The following UBXN7 variants were observed in gnomAD, a reference collection of about 807,000 sequenced individuals.
UBXN7 encodes UBX domain-containing protein 7.
A neutral mutation model predicts 58.0 loss-of-function variants in UBXN7; 9 were observed. That is an observed-to-expected ratio of 0.16 (90% confidence interval 0.09 to 0.27). UBXN7 has a LOEUF of 0.27. Among genes scored for constraint, UBXN7 ranks in the 10% least tolerant of loss-of-function variants. The pLI is 1.00. For missense variants in UBXN7, 328 were observed against 599.6 expected, an observed-to-expected ratio of 0.55 and a Z score of 4.73; for synonymous variants, 208 against 205.0, an observed-to-expected ratio of 1.01 and a Z score of -0.12.
chr3:196,396,715 A>G (rs565536392), intron 3 of UBXN7, among the ~76,000 whole-genome samples: 52 of 152,276 alleles, frequency 3.4e-4, no homozygotes, highest in African/African-American at 1.2e-3. Context: ...GTGAGCTGAG[A>G]TCGCACCACT....
At chr3:196,391,577 T>A (rs567637505) in intron 5 of UBXN7, among the ~76,000 whole-genome samples, 81 of 151,806 alleles carry the variant, frequency 5.3e-4, no homozygotes, top group African/African-American at 1.7e-3. Context: ...CCAAAAAAAT[T>A]TTTTTAATTA....
At chr3:196,421,706 G>A (rs185450494) in intron 1 of UBXN7, among the ~76,000 whole-genome samples, 39 of 151,888 alleles carry the variant, frequency 2.6e-4, no homozygotes, top group African/African-American at 8.2e-4. Context: ...GAAACTGGGA[G>A]GTGGAGGTTG....
At chr3:196,378,758 C>T (rs1277338687) in intron 5 of UBXN7, among the ~76,000 whole-genome samples, 1 of 151,824 alleles carries the variant, frequency 6.6e-6, no homozygotes, top group Non-Finnish European at 1.5e-5. Context: ...GGGATTTTAG[C>T]CAGCTTCTTT....
At chr3:196,417,205 G>T (rs898458377) in intron 1 of UBXN7, among the ~76,000 whole-genome samples, 1 of 152,032 alleles carries the variant, frequency 6.6e-6, no homozygotes, top group Non-Finnish European at 1.5e-5. Flanking sequence ...CCCAGCTGCT[G>T]GGGAGGCTGA....
intron 1 of UBXN7, among the ~76,000 whole-genome samples, chr3:196,412,559 T>G (rs1192959459): frequency 6.6e-6 from 1 of 152,202 alleles, no homozygotes; most frequent in African/African-American, 2.4e-5. Context: ...TATGATCCAG[T>G]AATTTCACTT....
At chr3:196,393,647 A>T in intron 3 of UBXN7, 28 bp from the exon 4 acceptor site, 3 of 1,585,124 alleles carry the variant, frequency 1.9e-6, no homozygotes, top group Non-Finnish European at 2.6e-6. Flanking sequence ...AGAATTGAAA[A>T]TTTTTTAAAT....
At chr3:196,407,611 C>T (rs940043655) in intron 1 of UBXN7, among the ~76,000 whole-genome samples, 1 of 152,042 alleles carries the variant, frequency 6.6e-6, no homozygotes, top group African/African-American at 2.4e-5. Flanking sequence ...AAAGAGTAAT[C>T]ATCCTTCATA....
chr3:196,411,089 C>A (rs144997539), intron 1 of UBXN7, among the ~76,000 whole-genome samples: 1 of 152,196 alleles, frequency 6.6e-6, no homozygotes, highest in South Asian at 2.1e-4. Context: ...AGCCTACCTG[C>A]CCGTTCCCAT....
intron 5 of UBXN7, among the ~76,000 whole-genome samples, chr3:196,384,459 C>A (rs1729311382): frequency 6.6e-6 from 1 of 152,204 alleles, no homozygotes; most frequent in Non-Finnish European, 1.5e-5. Flanking sequence ...ATGAGGCCAA[C>A]ATCATCCTGA....
At chr3:196,379,586 CCTGT>C (rs1477805523) in intron 5 of UBXN7, among the ~76,000 whole-genome samples, 8 of 152,242 alleles carry the variant, frequency 5.3e-5, no homozygotes, top group African/African-American at 1.9e-4. Context: ...CGATGGTATT[CCTGT>C]CTATTAGATC....
chr3:196,357,226 C>T lies in UBXN7; in HGVS notation c.1309-380G>A, dbSNP rs191456458. 5.9e-5 allele frequency among the ~76,000 whole-genome samples: 9 copies of T among 152,294 alleles called. No individual in the cohort carries two copies. In the East Asian group the frequency reaches 1.3e-3, roughly 23 times the overall value. ...TCATTCTGCCTACACCCAATCTTGC[C>T]ACCTGTGCACTGAATCTCTTCTTGC... On this transcript the variant is annotated intron_variant, in intron 10 of 10. Coordinates refer to ENST00000296328, the MANE Select transcript of UBXN7 (RefSeq NM_015562.2).
At position 196,371,892 on chromosome 3, in the gene UBXN7, T is replaced by C. The variant is rs755651749; in HGVS notation, c.615+4A>G. ...CAAAACTTCTGATTAACTCTCCTTC[T>C]CACCTGCCAGAAAATGAAATGTTCC... On this transcript the variant is annotated splice_donor_region_variant and intron_variant, in intron 6 of 10. Coordinates refer to ENST00000296328, the MANE Select transcript of UBXN7 (RefSeq NM_015562.2). The C allele has an allele frequency of 6.8e-6, 11 of 1,609,188 alleles. No individual in the cohort carries two copies. In the Admixed American group the frequency reaches 1.9e-4, roughly 27 times the overall value.
chr3:196,372,499 G>T (rs1244514775), intron 5 of UBXN7, among the ~76,000 whole-genome samples: 1 of 151,776 alleles, frequency 6.6e-6, no homozygotes, highest in Admixed American at 6.6e-5. Flanking sequence ...GCCCCAACAC[G>T]CCTGGCTGAT....
chr3:196,376,068 T>C (rs1247123378), intron 5 of UBXN7, among the ~76,000 whole-genome samples: 3 of 152,116 alleles, frequency 2.0e-5, no homozygotes, highest in Non-Finnish European at 4.4e-5. Context: ...TGAACAAATT[T>C]AATATGTTTC....
intron 1 of UBXN7, among the ~76,000 whole-genome samples, chr3:196,422,409 G>A (rs765169307): frequency 1.3e-5 from 2 of 151,836 alleles, no homozygotes; most frequent in Non-Finnish European, 2.9e-5. Flanking sequence ...GACCCCAGGA[G>A]CTTGAGGCTG....
At chr3:196,401,720 G>A (rs113169517) in intron 3 of UBXN7, among the ~76,000 whole-genome samples, 1 of 144,530 alleles carries the variant, frequency 6.9e-6, no homozygotes, top group Admixed American at 7.1e-5. Flanking sequence ...CTTGAGCCCA[G>A]GAGTTTGGGA....
chr3:196,371,409 T>C (rs1003656291), intron 6 of UBXN7, among the ~76,000 whole-genome samples: 1 of 152,252 alleles, frequency 6.6e-6, no homozygotes, highest in African/African-American at 2.4e-5. Flanking sequence ...ATTAATCTTT[T>C]TTAATGTGGC....
Position 196,353,293 on chromosome 3 carries a change from T to C in UBXN7, c.*3392A>G, listed in dbSNP as rs11185525. On this transcript the variant is annotated 3_prime_UTR_variant, in exon 11 of 11. Transcript: ENST00000296328. ...GTTTTCTTAACATGGGAAGAAAGTA[T>C]ACATTTTGTACGATTCTTCGGGAGA... 19,190 of 152,216 alleles carry C rather than the reference T, an allele frequency of 0.13. 1,449 individuals carry two copies. The highest frequency in any genetic ancestry group is 0.19 in the South Asian group (912 of 4,820). The allele number at this position is 152,216 out of a possible 1,614,324, so 9.4% of individuals were successfully genotyped here. A position where few individuals can be genotyped will look rare whatever the true frequency, so the allele number is the denominator to read the frequency against.
chr3:196,369,291 A>G lies in UBXN7; in HGVS notation c.706+130T>C, dbSNP rs900730634. The G allele has an allele frequency of 2.3e-5, 17 of 738,026 alleles. No homozygotes were observed. The Middle Eastern group carries it at 1.1e-3, about 47-fold the overall frequency. 45.7% of individuals were successfully genotyped at this position (738,026 alleles called of 1,614,324 possible). A position where few individuals can be genotyped will look rare whatever the true frequency, so the allele number is the denominator to read the frequency against. On this transcript the variant is annotated intron_variant, in intron 7 of 10. Coordinates refer to ENST00000296328, the MANE Select transcript of UBXN7 (RefSeq NM_015562.2). ...TAGATGTTTAAATAATTATAAAGGG[A>G]AAAAAACGAAACCTTCACCTAAATT... is the stretch of plus-strand genomic sequence containing the variant.
Sources: gnomAD v4.1 joint callset for allele counts (sites outside exome capture counted in the v4.1 genomes callset) on GRCh38, gnomAD v4.1.1 for gene constraint, MANE v1.5 for transcripts, NCBI Gene and HGNC (gene_info 2026-07-23, HGNC 2026-07-21) for gene names.